Variants in CNTN1 observed in about 807,000 individuals in gnomAD.
The protein encoded by CNTN1 is contactin-1.
In CNTN1, 38 loss-of-function variants were observed where a neutral mutation model predicts 126.4. That is an observed-to-expected ratio of 0.30 (90% confidence interval 0.23 to 0.39). The LOEUF is 0.39. Among genes scored for constraint, CNTN1 ranks in the 10% least tolerant of loss-of-function variants. The probability of loss-of-function intolerance (pLI) is 1.00; values close to 1 mark genes in which losing one functional copy is unlikely to be tolerated. For synonymous variants in CNTN1, 413 were observed against 422.6 expected (o/e 0.98, Z 0.28); for missense variants, 1,009 against 1,248.4 (o/e 0.81, Z 2.89).
intron 1 of CNTN1, among the ~76,000 whole-genome samples, chr12:40,813,665 G>A (rs917588109): frequency 3.9e-5 from 6 of 152,178 alleles, no homozygotes; most frequent in Admixed American, 2.6e-4. Flanking sequence ...ACATTTGCAT[G>A]TGTCTTTATA....
intron 1 of CNTN1, among the ~76,000 whole-genome samples, chr12:40,782,541 T>C (rs1939843968): frequency 6.6e-6 from 1 of 151,976 alleles, no homozygotes; most frequent in Admixed American, 6.6e-5. Context: ...ATATCCACTT[T>C]GGATCATTTC....
At chr12:40,707,395 C>A (rs952246358) in intron 1 of CNTN1, among the ~76,000 whole-genome samples, 2 of 151,692 alleles carry the variant, frequency 1.3e-5, no homozygotes, top group African/African-American at 4.8e-5. Context: ...ACTACAGGCG[C>A]CTGCCACCAC....
At chr12:40,822,076 T>A (rs1004113797) in intron 1 of CNTN1, among the ~76,000 whole-genome samples, 1 of 151,440 alleles carries the variant, frequency 6.6e-6, no homozygotes, top group African/African-American at 2.4e-5. Flanking sequence ...CAGAAGTAAC[T>A]ATGATCCTGA....
At chr12:40,975,851 T>C (rs1947657244) in intron 15 of CNTN1, among the ~76,000 whole-genome samples, 1 of 152,168 alleles carries the variant, frequency 6.6e-6, no homozygotes, top group Non-Finnish European at 1.5e-5. Context: ...TTCAATCAGC[T>C]GGATAGGCTG....
At chr12:40,946,767 TTAAG>T (rs1457546442) in intron 14 of CNTN1, among the ~76,000 whole-genome samples, 1 of 152,116 alleles carries the variant, frequency 6.6e-6, no homozygotes, top group African/African-American at 2.4e-5. Context: ...AATTCAATAA[TTAAG>T]TATGCACTGA....
At chr12:40,977,391 G>A (rs1947704896) in intron 15 of CNTN1, among the ~76,000 whole-genome samples, 1 of 152,098 alleles carries the variant, frequency 6.6e-6, no homozygotes. Context: ...AGGGAGGAGG[G>A]TGTAATGAGG....
chr12:40,692,703 T>G (rs949579649), intron 1 of CNTN1, 111 bp downstream of exon 1: 1 of 153,076 alleles, frequency 6.5e-6, no homozygotes, highest in African/African-American at 2.4e-5. Context: ...CCAAATCTCC[T>G]GTGGTCCCTG....
chr12:40,771,875 T>C (rs1310557172), intron 1 of CNTN1, among the ~76,000 whole-genome samples: 1 of 152,098 alleles, frequency 6.6e-6, no homozygotes, highest in Non-Finnish European at 1.5e-5. Context: ...GGTCTTGATC[T>C]GCACCCTCTT....
intron 1 of CNTN1, among the ~76,000 whole-genome samples, chr12:40,869,604 T>C (rs1334075592): frequency 6.6e-6 from 1 of 152,102 alleles, no homozygotes; most frequent in Non-Finnish European, 1.5e-5. Context: ...ATTATTATAG[T>C]CAATTCATCA....
chr12:41,003,503 T>C (rs534340876), intron 17 of CNTN1, among the ~76,000 whole-genome samples: 38 of 152,198 alleles, frequency 2.5e-4, no homozygotes, highest in African/African-American at 9.1e-4. Context: ...TTTTTCGGAA[T>C]AGTTTCAGCA....
chr12:40,892,452 G>A (rs1363817617), intron 1 of CNTN1, among the ~76,000 whole-genome samples: 1 of 152,040 alleles, frequency 6.6e-6, no homozygotes, highest in Non-Finnish European at 1.5e-5. Flanking sequence ...ATGAGAGGCT[G>A]TATTAGGTTA....
At chr12:40,797,294 C>A (rs1940474405) in intron 1 of CNTN1, among the ~76,000 whole-genome samples, 1 of 152,052 alleles carries the variant, frequency 6.6e-6, no homozygotes, top group South Asian at 2.1e-4. Context: ...GGACACCTAA[C>A]CTATCCTGCA....
chr12:40,836,328 C>T (rs982987676), intron 1 of CNTN1, among the ~76,000 whole-genome samples: 1 of 149,806 alleles, frequency 6.7e-6, no homozygotes, highest in Non-Finnish European at 1.5e-5. Context: ...TACTATGGTA[C>T]ACTTTAATAG....
intron 6 of CNTN1, among the ~76,000 whole-genome samples, chr12:40,925,605 ACG>A (rs1255964020): frequency 6.9e-6 from 1 of 144,260 alleles, no homozygotes; most frequent in African/African-American, 2.5e-5. Flanking sequence ...ATATATATAT[ACG>A]TGTATATATA....
chr12:40,807,625 T>C (rs1363611096), intron 1 of CNTN1, among the ~76,000 whole-genome samples: 1 of 152,064 alleles, frequency 6.6e-6, no homozygotes, highest in Non-Finnish European at 1.5e-5. Flanking sequence ...AGGTTAGGAG[T>C]GGACTTCATT....
chr12:40,698,900 A>C (rs986847142), intron 1 of CNTN1, among the ~76,000 whole-genome samples: 1 of 152,038 alleles, frequency 6.6e-6, no homozygotes, highest in Admixed American at 6.6e-5. Context: ...CCTTCTCCTA[A>C]TGCATCTTGT....
intron 15 of CNTN1, chr12:40,972,143 CATCTGAGTAGCAAG>C (rs1456184188): frequency 1.0e-6 from 1 of 985,248 alleles, no homozygotes; most frequent in East Asian, 1.1e-4. Flanking sequence ...GGGAAACCCT[CATCTGAGTAGCAAG>C]ATTTTAGTAA....
At chr12:41,053,468 T>TATATATATATATATATA (rs60201950) in intron 23 of CNTN1, among the ~76,000 whole-genome samples, 130 of 130,752 alleles carry the variant, frequency 9.9e-4, no homozygotes, top group Non-Finnish European at 1.3e-3. Context: ...TATATATATA[T>TATATATATATATATATA]TTGCCAATAA....
chr12:40,721,820 C>T (rs941910945), intron 1 of CNTN1, among the ~76,000 whole-genome samples: 6 of 149,324 alleles, frequency 4.0e-5, no homozygotes, highest in East Asian at 2.0e-4. Context: ...TTTGTCCTTG[C>T]GATAGTTTAC....
Sources: gnomAD v4.1 joint callset for allele counts (sites outside exome capture counted in the v4.1 genomes callset) on GRCh38, gnomAD v4.1.1 for gene constraint, MANE v1.5 for transcripts, NCBI Gene and HGNC (gene_info 2026-07-23, HGNC 2026-07-21) for gene names.